The following BMPER variants were observed in gnomAD, a reference collection of about 807,000 sequenced individuals.
The protein encoded by BMPER is BMP binding endothelial regulator, also known as BMP-binding endothelial regulator protein.
BMPER carries 45 observed loss-of-function variants against 87.3 expected under a neutral mutation model. The ratio of observed to expected loss-of-function variants is 0.52; its 90% CI spans 0.41 to 0.66. The LOEUF (loss-of-function observed/expected upper bound fraction) is 0.66. Among genes scored for constraint, BMPER ranks in the 30% least tolerant of loss-of-function variants. The probability of loss-of-function intolerance (pLI) is 0.00; values close to 1 mark genes in which losing one functional copy is unlikely to be tolerated. For synonymous variants in BMPER, 326 were observed against 316.2 expected (o/e 1.03, Z -0.33); for missense variants, 784 against 867.5 (o/e 0.90, Z 1.21).
At chr7:34,033,150 G>T (rs1787575498) in intron 6 of BMPER, among the ~76,000 whole-genome samples, 1 of 150,540 alleles carries the variant, frequency 6.6e-6, no homozygotes, top group Non-Finnish European at 1.5e-5. Flanking sequence ...TTTTGTCTTA[G>T]AGTTTCATTC....
rs78597911 is a variant in BMPER at position 33,905,968 on chromosome 7, C to T, written c.133+222C>T. Reference sequence around the variant, plus strand: ...TTGCCTTCAATGTAGTAATAATAGACATTCTTCTATTTGAATTTGAGAAAT... The same window carrying T: ...TTGCCTTCAATGTAGTAATAATAGATATTCTTCTATTTGAATTTGAGAAAT... On this transcript the variant is annotated intron_variant, in intron 1 of 14. Coordinates refer to ENST00000649409, the MANE Select transcript of BMPER (RefSeq NM_001365308.1). Among the ~76,000 whole-genome samples the T allele has an allele frequency of 0.028, 4,330 of 152,304 alleles. 140 individuals carry two copies. The highest frequency in any genetic ancestry group is 0.07 in the African/African-American group (2,927 of 41,556).
Position 33,930,204 on chromosome 7 carries a change from A to AT in BMPER, c.220-7077dup, listed in dbSNP as rs999841870. Among the ~76,000 whole-genome samples, 4 of 150,984 alleles carry AT rather than the reference A, an allele frequency of 2.6e-5. No individual in the cohort carries two copies. The South Asian group carries it at 6.3e-4, about 24-fold the overall frequency. ...ATGGTTTTCTTCATGTTGTCTTTCTATTTTTTTTCAAGTTCTGTTGAGTTG... is the reference window on the plus strand; with the variant it reads ...ATGGTTTTCTTCATGTTGTCTTTCTATTTTTTTTTCAAGTTCTGTTGAGTTG... On this transcript the variant is annotated intron_variant, in intron 2 of 14. Coordinates refer to ENST00000649409, the MANE Select transcript of BMPER (RefSeq NM_001365308.1).
chr7:34,042,673 C>T (rs1787862166), intron 6 of BMPER: 1 of 152,180 alleles, frequency 6.6e-6, no homozygotes, highest in African/African-American at 2.4e-5. Context: ...GTCTGAAATA[C>T]TCATTCAGAT....
chr7:34,114,227 G>A (rs1356947391), intron 13 of BMPER, among the ~76,000 whole-genome samples: 1 of 152,172 alleles, frequency 6.6e-6, no homozygotes, highest in Non-Finnish European at 1.5e-5. Flanking sequence ...CGAGTCCCCA[G>A]GAATTTAACC....
chr7:34,005,289 T>C (rs912764828), intron 6 of BMPER, among the ~76,000 whole-genome samples: 3 of 152,006 alleles, frequency 2.0e-5, no homozygotes, highest in Non-Finnish European at 4.4e-5. Context: ...TTTAAAACTA[T>C]TGTAACACTG....
intron 6 of BMPER, among the ~76,000 whole-genome samples, chr7:34,035,216 A>G (rs142039839): frequency 1.1e-3 from 173 of 152,326 alleles, no homozygotes; most frequent in African/African-American, 3.9e-3. Flanking sequence ...AGTGTTTACT[A>G]TAGAACTTCA....
intron 7 of BMPER, among the ~76,000 whole-genome samples, chr7:34,047,583 A>G (rs1023777965): frequency 1.3e-5 from 2 of 151,956 alleles, no homozygotes; most frequent in African/African-American, 2.4e-5. Context: ...AGCCTATGAT[A>G]CCTTCTTAAT....
intron 11 of BMPER, among the ~76,000 whole-genome samples, chr7:34,075,354 A>G (rs958788787): frequency 1.2e-4 from 18 of 152,230 alleles, no homozygotes; most frequent in African/African-American, 4.3e-4. Context: ...GTGCAAATAC[A>G]CATAAACAAG....
rs567059168 is a variant in BMPER at position 34,146,887 on chromosome 7, C to A, written c.1876+3527C>A. ...AAATCTTAGTCACCTTAGTGACTTT[C>A]CAATTTCTATTTGTTTGTTCCCTAT... On this transcript the variant is annotated intron_variant, in intron 14 of 14. Coordinates refer to ENST00000649409, the MANE Select transcript of BMPER (RefSeq NM_001365308.1). Among the ~76,000 whole-genome samples, 23 of 152,302 alleles carry A rather than the reference C, an allele frequency of 1.5e-4. No individual in the cohort carries two copies. The South Asian group carries it at 4.4e-3, about 29-fold the overall frequency.
chr7:34,130,172 G>A (rs1286694398), intron 13 of BMPER, among the ~76,000 whole-genome samples: 1 of 130,908 alleles, frequency 7.6e-6, no homozygotes, highest in Non-Finnish European at 1.6e-5. Flanking sequence ...ATGTGTTCAA[G>A]TCTTCTTGAT....
At chr7:33,933,036 G>A (rs191324133) in intron 2 of BMPER, among the ~76,000 whole-genome samples, 4 of 152,190 alleles carry the variant, frequency 2.6e-5, no homozygotes, top group African/African-American at 4.8e-5. Flanking sequence ...TGAGACCGGG[G>A]ACTCTGTGCT....
chr7:34,148,375 T>C (rs1159541518), intron 14 of BMPER, among the ~76,000 whole-genome samples: 1 of 152,230 alleles, frequency 6.6e-6, no homozygotes, highest in Admixed American at 6.5e-5. Context: ...TATTGTCTGA[T>C]GTGATACATC....
chr7:33,934,911 C>T (rs1021127612), intron 2 of BMPER, among the ~76,000 whole-genome samples: 2 of 152,172 alleles, frequency 1.3e-5, no homozygotes, highest in African/African-American at 4.8e-5. Flanking sequence ...TCACAATTCT[C>T]TTGGGGTGGG....
chr7:34,116,874 C>A (rs939218850), intron 13 of BMPER, among the ~76,000 whole-genome samples: 1 of 151,980 alleles, frequency 6.6e-6, no homozygotes, highest in African/African-American at 2.4e-5. Context: ...CCTGTAATCC[C>A]AGCTACTTGG....
chr7:34,131,088 A>G (rs1790572489), intron 13 of BMPER, among the ~76,000 whole-genome samples: 2 of 152,142 alleles, frequency 1.3e-5, no homozygotes, highest in Admixed American at 1.3e-4. Context: ...GGGTGCTCTC[A>G]TTCTAGCAGA....
chr7:34,097,588 C>G (rs900001912), intron 13 of BMPER, among the ~76,000 whole-genome samples: 1 of 152,026 alleles, frequency 6.6e-6, no homozygotes, highest in African/African-American at 2.4e-5. Context: ...AATGGAATCA[C>G]CTACAGAGCT....
At position 33,909,765 on chromosome 7, in the gene BMPER, T is replaced by C. The variant is rs544270816; in HGVS notation, c.219+2862T>C. 2.6e-5 allele frequency among the ~76,000 whole-genome samples: 4 copies of C among 151,176 alleles called. No homozygotes were observed. The South Asian group carries it at 8.4e-4, about 32-fold the overall frequency. ...AATGTTACAGTTGGGAGGAAATAGG[T>C]GGCACAAAGTCCTGTATATAATTAC... On this transcript the variant is annotated intron_variant, in intron 2 of 14. Coordinates refer to ENST00000649409, the MANE Select transcript of BMPER (RefSeq NM_001365308.1).
intron 11 of BMPER, among the ~76,000 whole-genome samples, chr7:34,075,458 A>AC (rs1034843317): frequency 1.3e-5 from 2 of 151,940 alleles, no homozygotes; most frequent in African/African-American, 2.4e-5. Flanking sequence ...GATCTTTTTT[A>AC]CCCCCCTTTA....
intron 6 of BMPER, among the ~76,000 whole-genome samples, chr7:33,985,306 T>G (rs547586706): frequency 2.0e-4 from 30 of 152,220 alleles, no homozygotes; most frequent in Non-Finnish European, 4.0e-4. Context: ...GTTATTTTCA[T>G]TTAACATTAT....
Sources: gnomAD v4.1 joint callset for allele counts (sites outside exome capture counted in the v4.1 genomes callset) on GRCh38, gnomAD v4.1.1 for gene constraint, MANE v1.5 for transcripts, NCBI Gene and HGNC (gene_info 2026-07-23, HGNC 2026-07-21) for gene names.